OXR1: variants seen among roughly 807,000 people sequenced by gnomAD.
OXR1 encodes oxidation resistance protein 1.
In OXR1, 41 loss-of-function variants were observed where a neutral mutation model predicts 104.6. The ratio of observed to expected loss-of-function variants is 0.39; its 90% CI spans 0.31 to 0.51. OXR1 has a LOEUF of 0.51. Among genes scored for constraint, OXR1 ranks in the 20% least tolerant of loss-of-function variants. The pLI is 0.77. For missense variants in OXR1, 955 were observed against 1,031.9 expected (o/e 0.93, Z 1.02); for synonymous variants, 348 against 348.4 (o/e 1.00, Z 0.01).
chr8:106,692,115 G>A (rs948315055), intron 6 of OXR1, among the ~76,000 whole-genome samples: 4 of 150,878 alleles, frequency 2.7e-5, no homozygotes, highest in Non-Finnish European at 4.4e-5. Flanking sequence ...ATTTTATTTT[G>A]ACCATTCCAA....
chr8:106,379,130 T>G (rs898944092), intron 2 of OXR1, among the ~76,000 whole-genome samples: 4 of 152,184 alleles, frequency 2.6e-5, no homozygotes, highest in Non-Finnish European at 5.9e-5. Context: ...CAGCATCACC[T>G]GGAAACGTGT....
At chr8:106,607,457 C>T (rs918180399) in intron 3 of OXR1, among the ~76,000 whole-genome samples, 1 of 152,220 alleles carries the variant, frequency 6.6e-6, no homozygotes, top group Non-Finnish European at 1.5e-5. Context: ...CTCAAGTAGC[C>T]TTCCTCACTG....
chr8:106,634,794 A>G (rs896073682), intron 3 of OXR1, among the ~76,000 whole-genome samples: 25 of 152,000 alleles, frequency 1.6e-4, no homozygotes, highest in Admixed American at 5.9e-4. Flanking sequence ...GCAAATCTAG[A>G]CCAGGATAAC....
intron 3 of OXR1, among the ~76,000 whole-genome samples, chr8:106,605,455 C>G (rs1408659492): frequency 6.6e-6 from 1 of 151,908 alleles, no homozygotes. Context: ...AAAGCCAGAC[C>G]AGAAATAGCT....
chr8:106,347,231 G>A (rs185673107), intron 1 of OXR1, among the ~76,000 whole-genome samples: 19 of 152,280 alleles, frequency 1.2e-4, no homozygotes, highest in African/African-American at 2.2e-4. Context: ...ATGCCCTAAA[G>A]AAGAAAACAT....
chr8:106,597,329 G>A (rs991128380), intron 3 of OXR1, among the ~76,000 whole-genome samples: 14 of 152,106 alleles, frequency 9.2e-5, no homozygotes, highest in Admixed American at 3.9e-4. Context: ...GTGAGATGAT[G>A]TCTGCCTGTG....
At chr8:106,689,032 G>A (rs1464556511) in intron 6 of OXR1, among the ~76,000 whole-genome samples, 1 of 152,098 alleles carries the variant, frequency 6.6e-6, no homozygotes, top group African/African-American at 2.4e-5. Context: ...ATTTAGAAAT[G>A]TTCTTTAATT....
intron 2 of OXR1, among the ~76,000 whole-genome samples, chr8:106,447,074 T>C (rs1249609148): frequency 6.6e-6 from 1 of 152,188 alleles, no homozygotes; most frequent in East Asian, 1.9e-4. Context: ...GTTCTATTTG[T>C]TATAATGTTG....
intron 3 of OXR1, among the ~76,000 whole-genome samples, chr8:106,521,983 AC>A (rs1412503309): frequency 6.6e-6 from 1 of 151,940 alleles, no homozygotes; most frequent in Non-Finnish European, 1.5e-5. Context: ...CTCCTGGAAA[AC>A]TCTAGGAGCC....
chr8:106,657,748 C>A (rs78243574), intron 3 of OXR1: 2 of 923,784 alleles, frequency 2.2e-6, no homozygotes, highest in Non-Finnish European at 2.8e-6. Flanking sequence ...TTAGAAGCCA[C>A]AAGAAAAACT....
At chr8:106,606,257 A>G (rs1820377337) in intron 3 of OXR1, among the ~76,000 whole-genome samples, 1 of 151,614 alleles carries the variant, frequency 6.6e-6, no homozygotes, top group East Asian at 1.9e-4. Flanking sequence ...TGTCCCAGCA[A>G]GTCTTCCTTA....
chr8:106,358,436 C>G (rs373295399), intron 1 of OXR1, among the ~76,000 whole-genome samples: 172 of 152,300 alleles, frequency 1.1e-3, no homozygotes, highest in South Asian at 7.1e-3. Flanking sequence ...TTCTGTGCTC[C>G]CACATGCCCT....
At chr8:106,305,834 G>A (rs1449629643) in intron 1 of OXR1, among the ~76,000 whole-genome samples, 2 of 152,030 alleles carry the variant, frequency 1.3e-5, no homozygotes, top group East Asian at 1.9e-4. Context: ...AACATCTAAC[G>A]AGGATAGAGA....
intron 3 of OXR1, among the ~76,000 whole-genome samples, chr8:106,655,165 A>G (rs1461568651): frequency 1.3e-5 from 2 of 152,100 alleles, no homozygotes; most frequent in African/African-American, 2.4e-5. Context: ...CAGATGGTAA[A>G]AAGTTTCTTT....
At chr8:106,413,729 T>C (rs1187688946) in intron 2 of OXR1, among the ~76,000 whole-genome samples, 1 of 151,482 alleles carries the variant, frequency 6.6e-6, no homozygotes, top group Non-Finnish European at 1.5e-5. Flanking sequence ...ATCTACTTTT[T>C]TTTTTTTTTT....
At chr8:106,637,373 A>G (rs1048104521) in intron 3 of OXR1, among the ~76,000 whole-genome samples, 4 of 152,224 alleles carry the variant, frequency 2.6e-5, no homozygotes, top group African/African-American at 7.2e-5. Flanking sequence ...AAATAAAACA[A>G]TGAGTACCAT....
intron 2 of OXR1, among the ~76,000 whole-genome samples, chr8:106,480,944 C>G (rs1822078273): frequency 6.6e-6 from 1 of 152,028 alleles, no homozygotes; most frequent in South Asian, 2.1e-4. Flanking sequence ...ATAAAAACTT[C>G]ATTGCTTCAG....
At chr8:106,697,275 C>T (rs1164655158) in intron 7 of OXR1, among the ~76,000 whole-genome samples, 6 of 152,286 alleles carry the variant, frequency 3.9e-5, no homozygotes, top group Middle Eastern at 6.8e-3. Flanking sequence ...CAACAGGCAC[C>T]TCAGAGGTGA....
rs1586724963 is a variant in OXR1, at chr8:106,498,881, G to GTTTAAAT, written c.24-20062_24-20061insTTTAAAT. On this transcript the variant is annotated intron_variant, in intron 2 of 16. Transcript: ENST00000517566. The stretch of plus-strand genomic sequence containing the variant: ...CTTTTTAGCTAAAGAATTAGGAGAT[G>GTTTAAAT]GCCGGGCGCGGTGGCTCACGCCTGT... Among the ~76,000 whole-genome samples the GTTTAAAT allele has an allele frequency of 9.6e-4, 82 of 85,046 alleles. 13 individuals are homozygous for GTTTAAAT. Among genetic ancestry groups the GTTTAAAT allele is most frequent in the Admixed American group, 1.7e-3 (14 of 8,362 alleles). 55.8% of individuals were successfully genotyped at this position (85,046 alleles called of 152,430 possible).
Sources: gnomAD v4.1 joint callset for allele counts (sites outside exome capture counted in the v4.1 genomes callset) on GRCh38, gnomAD v4.1.1 for gene constraint, MANE v1.5 for transcripts, NCBI Gene and HGNC (gene_info 2026-07-23, HGNC 2026-07-21) for gene names.